Variants in RBFOX1 observed in about 807,000 individuals in gnomAD.
RBFOX1 encodes the protein RNA binding protein fox-1 homolog 1.
In RBFOX1, 8 loss-of-function variants were observed where a neutral mutation model predicts 57.7. The observed-to-expected ratio is 0.14, with a 90% confidence interval of 0.08 to 0.25. The LOEUF (loss-of-function observed/expected upper bound fraction) is 0.25. Among genes scored for constraint, RBFOX1 ranks in the 10% least tolerant of loss-of-function variants. The probability of loss-of-function intolerance (pLI) is 1.00; values close to 1 mark genes in which losing one functional copy is unlikely to be tolerated. For synonymous variants in RBFOX1, 326 were observed against 222.4 expected (o/e 1.47, Z -4.15); for missense variants, 611 against 548.5 (o/e 1.11, Z -1.14).
At chr16:5,888,235 C>T (rs1299399285) in intron 4 of RBFOX1, among the ~76,000 whole-genome samples, 5 of 152,182 alleles carry the variant, frequency 3.3e-5, no homozygotes, top group African/African-American at 1.2e-4. Flanking sequence ...AATTGGCTTT[C>T]CACTTGGCCA....
intron 2 of RBFOX1, among the ~76,000 whole-genome samples, chr16:6,386,003 T>A (rs992875963): frequency 6.6e-6 from 1 of 151,446 alleles, no homozygotes; most frequent in African/African-American, 2.4e-5. Flanking sequence ...TGGCGCGATC[T>A]CGGCTCACTG....
intron 3 of RBFOX1, among the ~76,000 whole-genome samples, chr16:6,935,407 T>C (rs2077200373): frequency 6.6e-6 from 1 of 152,212 alleles, no homozygotes; most frequent in Non-Finnish European, 1.5e-5. Context: ...CTTCCAACAG[T>C]AGATCATAAA....
At chr16:5,502,822 C>G (rs762540582) in intron 2 of RBFOX1, among the ~76,000 whole-genome samples, 22 of 152,202 alleles carry the variant, frequency 1.4e-4, no homozygotes, top group Non-Finnish European at 2.9e-4. Flanking sequence ...TCTTCCGCGT[C>G]TCAGGGGACC....
At chr16:6,402,902 A>T (rs937834095) in intron 2 of RBFOX1, among the ~76,000 whole-genome samples, 2 of 152,244 alleles carry the variant, frequency 1.3e-5, no homozygotes, top group South Asian at 4.1e-4. Flanking sequence ...GGAATGAAAT[A>T]TAAACACTAA....
intron 1 of RBFOX1, among the ~76,000 whole-genome samples, chr16:6,033,370 A>T (rs1197838005): frequency 2.6e-5 from 4 of 152,252 alleles, no homozygotes; most frequent in African/African-American, 9.6e-5. Context: ...ATGCAGGAGT[A>T]TGCAGAGAAA....
intron 3 of RBFOX1, among the ~76,000 whole-genome samples, chr16:5,825,530 T>C (rs974260476): frequency 6.6e-6 from 1 of 152,212 alleles, no homozygotes; most frequent in Non-Finnish European, 1.5e-5. Flanking sequence ...GAAAAAATTA[T>C]AGCATCTTTT....
intron 1 of RBFOX1, among the ~76,000 whole-genome samples, chr16:6,031,774 G>A (rs947517000): frequency 6.6e-6 from 1 of 152,210 alleles, no homozygotes; most frequent in Non-Finnish European, 1.5e-5. Flanking sequence ...TGCTGGGCAC[G>A]CTGCTTACAG....
At chr16:6,513,260 T>A (rs897209516) in intron 2 of RBFOX1, among the ~76,000 whole-genome samples, 3 of 152,192 alleles carry the variant, frequency 2.0e-5, no homozygotes, top group Non-Finnish European at 4.4e-5. Flanking sequence ...CTTAGCACAG[T>A]GGTTGCCACG....
intron 1 of RBFOX1, among the ~76,000 whole-genome samples, chr16:6,273,120 C>G (rs534113685): frequency 6.6e-6 from 1 of 151,742 alleles, no homozygotes; most frequent in East Asian, 2.0e-4. Context: ...ATTAGCCAGG[C>G]ATGGTGGCTT....
intron 4 of RBFOX1, among the ~76,000 whole-genome samples, chr16:7,474,402 A>T (rs1042007812): frequency 4.6e-5 from 7 of 152,096 alleles, no homozygotes; most frequent in Admixed American, 3.9e-4. Flanking sequence ...CTTCACCTTC[A>T]CTGTGAAGGT....
At chr16:6,081,741 G>A (rs1025945941) in intron 1 of RBFOX1, among the ~76,000 whole-genome samples, 1 of 152,166 alleles carries the variant, frequency 6.6e-6, no homozygotes, top group African/African-American at 2.4e-5. Context: ...AATAGCAGAA[G>A]TCCCAAGGTT....
intron 3 of RBFOX1, among the ~76,000 whole-genome samples, chr16:6,697,317 A>C (rs977843214): frequency 6.6e-6 from 1 of 152,148 alleles, no homozygotes; most frequent in Non-Finnish European, 1.5e-5. Context: ...TTTGGTCACT[A>C]AGCTTGCCAG....
At chr16:7,608,814 CA>C (rs1287207274) in intron 10 of RBFOX1, among the ~76,000 whole-genome samples, 7 of 152,142 alleles carry the variant, frequency 4.6e-5, no homozygotes, top group Non-Finnish European at 8.8e-5. Flanking sequence ...ATTTAGTAAA[CA>C]AAAATGAATA....
chr16:7,019,600 G>C (rs2094104487), intron 3 of RBFOX1, among the ~76,000 whole-genome samples: 1 of 151,864 alleles, frequency 6.6e-6, no homozygotes, highest in South Asian at 2.1e-4. Context: ...TGAATACGTA[G>C]TTTCATTTTA....
intron 2 of RBFOX1, among the ~76,000 whole-genome samples, chr16:5,551,085 T>A (rs56257949): frequency 2.3e-4 from 35 of 152,040 alleles, no homozygotes; most frequent in Non-Finnish European, 4.6e-4. Context: ...TGGTTCTTAC[T>A]TGCTGGGAGG....
At chr16:7,176,449 T>G (rs1054040467) in intron 4 of RBFOX1, among the ~76,000 whole-genome samples, 3 of 152,092 alleles carry the variant, frequency 2.0e-5, no homozygotes, top group African/African-American at 7.2e-5. Context: ...AGGTATCTAT[T>G]ATGTGTACGA....
rs2047974145 is a variant in RBFOX1, at chr16:5,615,120, G to C, written c.318+16159G>C. On this transcript the variant is annotated intron_variant, in intron 3 of 19. Transcript: ENST00000641259. ...TGCCGTCATAGCTCACTGCAGCCTT[G>C]AACTCCTGGGCTTAAGTGATATTTC... 2.0e-5 allele frequency among the ~76,000 whole-genome samples: 3 copies of C among 152,168 alleles called. No homozygotes were observed. In the South Asian group the frequency reaches 6.2e-4, roughly 32 times the overall value.
intron 3 of RBFOX1, among the ~76,000 whole-genome samples, chr16:6,856,484 G>A (rs914775017): frequency 1.3e-5 from 2 of 152,026 alleles, no homozygotes; most frequent in Non-Finnish European, 2.9e-5. Flanking sequence ...AGGATATAAA[G>A]GTTATCATTG....
chr16:6,822,675 G>A (rs751400982), intron 3 of RBFOX1, among the ~76,000 whole-genome samples: 6 of 152,134 alleles, frequency 3.9e-5, no homozygotes, highest in Non-Finnish European at 7.3e-5. Flanking sequence ...ACTTTTACAC[G>A]CTATGGTGTG....
Sources: allele counts gnomAD v4.1 joint callset (sites outside exome capture counted in the v4.1 genomes callset), GRCh38; gene constraint gnomAD v4.1.1; transcripts MANE v1.5; gene names NCBI Gene and HGNC (gene_info 2026-07-23, HGNC 2026-07-21).